The following ASTN2 variants were observed in gnomAD, a reference collection of about 807,000 sequenced individuals.
ASTN2 encodes astrotactin-2.
In ASTN2, 54 loss-of-function variants were observed where a neutral mutation model predicts 139.8. The ratio of observed to expected loss-of-function variants is 0.39; its 90% CI spans 0.31 to 0.48. The LOEUF is 0.48. Ranked by LOEUF, ASTN2 falls within the 20% of genes least tolerant of loss-of-function variation. The pLI is 0.95. For missense variants in ASTN2, 1,565 were observed against 1,725.1 expected, an observed-to-expected ratio of 0.91 and a Z score of 1.64; for synonymous variants, 756 against 719.5, an observed-to-expected ratio of 1.05 and a Z score of -0.81.
chr9:116,803,497 TATATATATATATATATATATATATA>T (rs373453480), intron 13 of ASTN2, among the ~76,000 whole-genome samples: 530 of 7,236 alleles, frequency 0.073, 19 homozygotes, highest in East Asian at 0.15. Flanking sequence ...TATATATATA[TATATATATATATATATATATATATA>T]TTTTTTTTTT....
Position 117,150,801 on chromosome 9 carries a change from A to G in ASTN2, c.1016-9323T>C, listed in dbSNP as rs543466009. ...AGCCTTGAACATCTGGCCTCAAGTG[A>G]TCTTCCTGTCCCAGACTCCTGAGTA... is the stretch of plus-strand genomic sequence containing the variant. On this transcript the variant is annotated intron_variant, in intron 3 of 22. Transcript: ENST00000313400. Among the ~76,000 whole-genome samples the G allele has an allele frequency of 1.1e-4, 16 of 152,206 alleles. No homozygotes were observed. The South Asian group carries it at 3.3e-3, about 32-fold the overall frequency.
intron 2 of ASTN2, among the ~76,000 whole-genome samples, chr9:117,274,262 A>C (rs1834132696): frequency 1.3e-5 from 2 of 152,208 alleles, no homozygotes; most frequent in Non-Finnish European, 2.9e-5. Flanking sequence ...AGGCAGGAGA[A>C]TCGCCTGACT....
chr9:117,057,406 T>C (rs1839093741), intron 5 of ASTN2, among the ~76,000 whole-genome samples: 1 of 152,172 alleles, frequency 6.6e-6, no homozygotes, highest in African/African-American at 2.4e-5. Context: ...TAAGTAACTA[T>C]AACTCAGGTG....
At chr9:117,314,429 A>AC (rs1162271984) in intron 1 of ASTN2, among the ~76,000 whole-genome samples, 4 of 150,306 alleles carry the variant, frequency 2.7e-5, no homozygotes, top group African/African-American at 4.9e-5. Context: ...AATATAGCCC[A>AC]CCCCCCCAAT....
At chr9:116,503,712 A>G (rs1397612186) in intron 19 of ASTN2, among the ~76,000 whole-genome samples, 1 of 152,158 alleles carries the variant, frequency 6.6e-6, no homozygotes, top group Non-Finnish European at 1.5e-5. Context: ...ATATAAACAC[A>G]CATACATACT....
intron 19 of ASTN2, among the ~76,000 whole-genome samples, chr9:116,602,649 C>T (rs1409887216): frequency 6.6e-6 from 1 of 151,848 alleles, no homozygotes; most frequent in Non-Finnish European, 1.5e-5. Flanking sequence ...ATGATGAAGG[C>T]TGAGTGTGGT....
At chr9:117,301,447 G>A (rs1256878065) in intron 1 of ASTN2, among the ~76,000 whole-genome samples, 1 of 152,146 alleles carries the variant, frequency 6.6e-6, no homozygotes. Context: ...AGCCCTCATA[G>A]GAAACCCACA....
chr9:117,248,020 C>T (rs1833432333), intron 2 of ASTN2, among the ~76,000 whole-genome samples: 1 of 152,112 alleles, frequency 6.6e-6, no homozygotes, highest in Admixed American at 6.5e-5. Flanking sequence ...AAAATGAGGC[C>T]CAGAGGTAAT....
intron 16 of ASTN2, among the ~76,000 whole-genome samples, chr9:116,721,764 C>A (rs1353515777): frequency 2.0e-5 from 3 of 152,144 alleles, no homozygotes; most frequent in Admixed American, 6.5e-5. Flanking sequence ...CTCAGAATTC[C>A]CACCTGGTGA....
intron 17 of ASTN2, among the ~76,000 whole-genome samples, chr9:116,626,242 G>A (rs1028085566): frequency 2.9e-4 from 37 of 126,116 alleles, no homozygotes; most frequent in Non-Finnish European, 7.9e-5. Context: ...CTGATCTCAA[G>A]TGATCTGCCT....
intron 1 of ASTN2, among the ~76,000 whole-genome samples, chr9:117,305,902 G>T (rs142127387): frequency 5.6e-4 from 85 of 152,324 alleles, no homozygotes; most frequent in African/African-American, 1.9e-3. Context: ...AATGTCTGCA[G>T]CAGTGAATGT....
chr9:117,078,329 C>G (rs111697200), intron 5 of ASTN2, among the ~76,000 whole-genome samples: 3 of 152,210 alleles, frequency 2.0e-5, no homozygotes, highest in African/African-American at 7.2e-5. Context: ...AGTTTTCCAC[C>G]ATTATTTCGT....
intron 10 of ASTN2, among the ~76,000 whole-genome samples, chr9:116,951,337 C>CAAAAAAAAAAAAAAAAAAAAAAAAAAAA (rs386416039): frequency 2.9e-5 from 1 of 34,060 alleles, no homozygotes; most frequent in Non-Finnish European, 4.5e-5. Context: ...AACTCTGTCT[C>CAAAAAAAAAAAAAAAAAAAAAAAAAAAA]AAAAAAAAAA....
chr9:116,450,756 A>C (rs1021394885), intron 20 of ASTN2, among the ~76,000 whole-genome samples: 1 of 151,906 alleles, frequency 6.6e-6, no homozygotes. Context: ...ATCCCTGCTC[A>C]CTCTCACATG....
chr9:117,071,877 C>T (rs561761969), intron 5 of ASTN2, among the ~76,000 whole-genome samples: 180 of 152,192 alleles, frequency 1.2e-3, no homozygotes, highest in African/African-American at 4.1e-3. Flanking sequence ...GCTCGCGCAC[C>T]GTGCGCGCAC....
chr9:117,319,542 C>G (rs1414178), intron 1 of ASTN2, among the ~76,000 whole-genome samples: 13,188 of 151,882 alleles, frequency 0.087, 697 homozygotes, highest in South Asian at 0.11. Context: ...ATTCTCATGC[C>G]TCAGCCTCCA....
chr9:117,016,573 AT>A (rs1837680029), intron 6 of ASTN2, among the ~76,000 whole-genome samples: 1 of 127,370 alleles, frequency 7.9e-6, no homozygotes, highest in Non-Finnish European at 1.6e-5. Flanking sequence ...GTCCACTGGG[AT>A]TTGGGGTATT....
chr9:117,078,065 C>T (rs10759896), intron 5 of ASTN2, among the ~76,000 whole-genome samples: 137,475 of 152,194 alleles, frequency 0.9, 62,203 homozygotes, highest in East Asian at 0.97. Context: ...AGAGTCAATG[C>T]GCACCCTCCT....
chr9:117,041,998 C>T (rs1489840051), intron 5 of ASTN2, among the ~76,000 whole-genome samples: 1 of 152,132 alleles, frequency 6.6e-6, no homozygotes, highest in Non-Finnish European at 1.5e-5. Context: ...TCCTTGAAGG[C>T]AAGCAGCGTC....
Sources: gnomAD v4.1 joint callset for allele counts (sites outside exome capture counted in the v4.1 genomes callset) on GRCh38, gnomAD v4.1.1 for gene constraint, MANE v1.5 for transcripts, NCBI Gene and HGNC (gene_info 2026-07-23, HGNC 2026-07-21) for gene names.